The following CRYBB1 variants were observed in gnomAD, a reference collection of about 807,000 sequenced individuals.
The protein encoded by CRYBB1 is crystallin beta B1.
A neutral mutation model predicts 29.5 loss-of-function variants in CRYBB1; 16 were observed. That is an observed-to-expected ratio of 0.54 (90% CI 0.37 to 0.82). The LOEUF (loss-of-function observed/expected upper bound fraction) is 0.82, where lower values mean the gene tolerates loss of function less well. CRYBB1 is among the 40% of genes least tolerant of loss of function. The probability of loss-of-function intolerance (pLI) is 0.00; values close to 1 mark genes in which losing one functional copy is unlikely to be tolerated. For synonymous variants in CRYBB1, 127 were observed against 136.7 expected (o/e 0.93, Z 0.49); for missense variants, 300 against 350.5 (o/e 0.86, Z 1.15).
At chr22:26,606,094 C>A (rs143610475) in intron 4 of CRYBB1, among the ~76,000 whole-genome samples, 28 of 152,156 alleles carry the variant, frequency 1.8e-4, no homozygotes, top group African/African-American at 6.8e-4. Context: ...ATTCTTCCAG[C>A]GTGGGCCAGG....
intron 3 of CRYBB1, among the ~76,000 whole-genome samples, chr22:26,608,447 A>T (rs1929055246): frequency 6.6e-6 from 1 of 152,244 alleles, no homozygotes; most frequent in South Asian, 2.1e-4. Context: ...TGCCTTTAAC[A>T]CTTACTAATC....
chr22:26,613,727 A>C (rs1253164173), intron 2 of CRYBB1, among the ~76,000 whole-genome samples: 3 of 152,202 alleles, frequency 2.0e-5, no homozygotes, highest in Non-Finnish European at 4.4e-5. Context: ...GCAATATGAA[A>C]TGTGGGCACC....
At position 26,616,251 on chromosome 22, in the gene CRYBB1, C is replaced by T. The variant is rs767132425; in HGVS notation, c.69G>A (p.Gly23=). 1.9e-6 allele frequency: 3 copies of T among 1,614,090 alleles called. No homozygotes were observed. The East Asian group carries it at 6.7e-5, about 36-fold the overall frequency. Residue 23 remains glycine (G), a synonymous_variant, in exon 2 of 6, where the codon GGG becomes GGA. Coordinates refer to ENST00000647684, the MANE Select transcript of CRYBB1 (RefSeq NM_001887.4). ...ATGTTCCTGCAGGTGGGGCCCCCTT[C>T]CCCTTGGTGTCAGGCCCTGGGTTCA... ...VAVNPGPDTK[G]KGAPPAGTSP... is the part of the protein sequence containing the mutation.
chr22:26,610,288 G>A (rs946029418), intron 3 of CRYBB1, among the ~76,000 whole-genome samples: 3 of 152,074 alleles, frequency 2.0e-5, no homozygotes, highest in African/African-American at 4.8e-5. Flanking sequence ...CAGTCTCCTG[G>A]GTTTCAGGCA....
chr22:26,599,487 G>T lies in CRYBB1; in HGVS notation c.*3C>A. On this transcript the variant is annotated 3_prime_UTR_variant, in exon 6 of 6. Transcript: ENST00000647684. ...GGGCAAGGTAGCAGAGTGAGGTGTG[G>T]ACTCACTTGGGGGGCTCTGTGGCCA... 6.2e-7 allele frequency: 1 copy of T among 1,608,960 alleles called. No individual in the cohort carries two copies. Among genetic ancestry groups the T allele is most frequent in the Non-Finnish European group, 8.5e-7 (1 of 1,176,820 alleles).
At chr22:26,601,559 C>A (rs1433109371) in intron 5 of CRYBB1, among the ~76,000 whole-genome samples, 3 of 151,640 alleles carry the variant, frequency 2.0e-5, no homozygotes, top group Non-Finnish European at 4.4e-5. Flanking sequence ...ATGCATCCAG[C>A]CTCATCTATC....
At chr22:26,602,420 A>T (rs1928848704) in intron 4 of CRYBB1, among the ~76,000 whole-genome samples, 1 of 151,994 alleles carries the variant, frequency 6.6e-6, no homozygotes, top group Admixed American at 6.5e-5. Context: ...CCTGTCTCTC[A>T]AAAAAATAAT....
At chr22:26,600,802 A>G (rs2068321454) in intron 5 of CRYBB1, among the ~76,000 whole-genome samples, 2 of 152,338 alleles carry the variant, frequency 1.3e-5, no homozygotes, top group Non-Finnish European at 1.5e-5. Context: ...TCCTCTGCAG[A>G]TAAACCTTTG....
intron 1 of CRYBB1, among the ~76,000 whole-genome samples, chr22:26,616,705 A>G (rs1413048310): frequency 6.6e-6 from 1 of 152,190 alleles, no homozygotes; most frequent in Non-Finnish European, 1.5e-5. Context: ...AAGAAGTCCC[A>G]TTTGGGAGTA....
Position 26,607,877 on chromosome 22 carries a change from A to C in CRYBB1, c.432+12T>G. The C allele has an allele frequency of 6.2e-7, 1 of 1,614,136 alleles. No homozygotes were observed. The highest frequency in any genetic ancestry group is 8.5e-7 in the Non-Finnish European group (1 of 1,180,022). On this transcript the variant is annotated intron_variant, in intron 4 of 5. Transcript: ENST00000647684. Reference sequence around the variant, plus strand: ...TGGCTGATTCTCCAGCCCCAGCCGGAGAGCCACTCACCATTTTGATGGGCC... The same window carrying C: ...TGGCTGATTCTCCAGCCCCAGCCGGCGAGCCACTCACCATTTTGATGGGCC...
chr22:26,612,297 G>A (rs1929199362), intron 2 of CRYBB1, 107 bp from the exon 3 acceptor site: 1 of 731,532 alleles, frequency 1.4e-6, no homozygotes. Context: ...ACATAAAAGT[G>A]TGATGAGCCA....
chr22:26,616,277 C>A lies in CRYBB1; in HGVS notation c.43G>T (p.Val15Leu). The change falls in exon 2 of 6, where the codon GTG (valine) becomes TTG (leucine). Residue 15 changes from valine (V) to leucine (L), a missense_variant. Val to Leu is a conservative substitution (Grantham distance 32). Transcript: ENST00000647684. The part of the protein sequence containing the change: ...AKASASATVA[V>L]NPGPDTKGKG... ...CCCTTGGTGTCAGGCCCTGGGTTCA[C>A]CGCCACTGTGGCCGAGGCCGAGGCC... is the stretch of plus-strand genomic sequence containing the variant. 2 of 1,614,070 alleles carry A rather than the reference C, an allele frequency of 1.2e-6. No individual in the cohort carries two copies. The highest frequency in any genetic ancestry group is 1.7e-6 in the Non-Finnish European group (2 of 1,179,930).
chr22:26,615,819 T>A (rs2145972654), intron 2 of CRYBB1, among the ~76,000 whole-genome samples: 1 of 152,258 alleles, frequency 6.6e-6, no homozygotes, highest in East Asian at 1.9e-4. Context: ...CGGCCCCACT[T>A]TCTCCAAGTG....
intron 4 of CRYBB1, among the ~76,000 whole-genome samples, chr22:26,603,171 T>C (rs1928877450): frequency 6.6e-6 from 1 of 151,832 alleles, no homozygotes; most frequent in Non-Finnish European, 1.5e-5. Context: ...CCTCTGACAT[T>C]TATGCACTGG....
intron 3 of CRYBB1, among the ~76,000 whole-genome samples, chr22:26,611,346 A>G (rs1004736826): frequency 3.3e-5 from 5 of 152,186 alleles, no homozygotes; most frequent in Non-Finnish European, 2.9e-5. Context: ...TGGGTGTGCC[A>G]CAGATGCTTA....
chr22:26,610,896 C>G (rs975642796), intron 3 of CRYBB1, among the ~76,000 whole-genome samples: 2 of 152,258 alleles, frequency 1.3e-5, no homozygotes, highest in African/African-American at 2.4e-5. Context: ...AAGCTCATCT[C>G]GGAATGGGCT....
intron 4 of CRYBB1, among the ~76,000 whole-genome samples, chr22:26,606,915 T>C (rs1928993534): frequency 6.6e-6 from 1 of 152,178 alleles, no homozygotes; most frequent in Non-Finnish European, 1.5e-5. Context: ...CATTTTGACC[T>C]TGAATCTTCT....
intron 4 of CRYBB1, among the ~76,000 whole-genome samples, chr22:26,605,741 G>T (rs1464315878): frequency 2.1e-5 from 3 of 144,744 alleles, no homozygotes; most frequent in Non-Finnish European, 4.6e-5. Context: ...AGTAGAAGAT[G>T]GTCAGGTTTA....
chr22:26,603,751 A>AAATAAT (rs60006493), intron 4 of CRYBB1, among the ~76,000 whole-genome samples: 4 of 149,708 alleles, frequency 2.7e-5, no homozygotes, highest in African/African-American at 9.9e-5. Context: ...TAAAAATACA[A>AAATAAT]AATAATAATA....
Sources: gnomAD v4.1 joint callset for allele counts (sites outside exome capture counted in the v4.1 genomes callset) on GRCh38, gnomAD v4.1.1 for gene constraint, MANE v1.5 for transcripts, NCBI Gene and HGNC (gene_info 2026-07-23, HGNC 2026-07-21) for gene names.